ABTB1: variants seen among roughly 807,000 people sequenced by gnomAD.
ABTB1 encodes ankyrin repeat and BTB/POZ domain-containing protein 1.
ABTB1 carries 45 observed loss-of-function variants against 57.1 expected under a neutral mutation model. The observed-to-expected ratio is 0.79, with a 90% CI of 0.62 to 1.01. The LOEUF is 1.01. Among genes scored for constraint, ABTB1 ranks in the 50% least tolerant of loss-of-function variants. The pLI is 0.00. For missense variants in ABTB1, 630 were observed against 666.3 expected (o/e 0.95, Z 0.60); for synonymous variants, 302 against 275.4 (o/e 1.10, Z -0.95).
Position 127,677,028 on chromosome 3 carries a change from G to T in ABTB1, c.588G>T (p.Gln196His). The change falls in exon 7 of 12, where the codon CAG becomes CAT. Residue 196 changes from glutamine (Q) to histidine (H), a missense_variant. Gln to His is a conservative substitution (Grantham distance 24). This residue lies in a region of ABTB1 where 579 missense variants were observed against 585.9 expected (regional missense o/e 0.99). Transcript: ENST00000232744. ...GTGAGCGCCTGGCCAAGCAATGCCA[G>T]CTGTGGGACCTGCTCAGCGACCTGG... ...SDCERLAKQC[Q>H]LWDLLSDLEA... 1 of 1,614,138 alleles carries T rather than the reference G, an allele frequency of 6.2e-7. No individual in the cohort carries two copies. The highest frequency in any genetic ancestry group is 8.5e-7 in the Non-Finnish European group (1 of 1,180,008).
chr3:127,672,996 T>G lies in ABTB1; in HGVS notation c.-30T>G, dbSNP rs1371528601. The G allele has an allele frequency of 1.9e-6, 3 of 1,540,362 alleles. No homozygotes were observed. Among genetic ancestry groups the G allele is most frequent in the Admixed American group, 3.9e-5 (2 of 51,634 alleles). ...GGGTGCGCGGCTTCGCCGCCCGAGG[T>G]CGTTCGGCTCGGGTACCATCCTCCG... On this transcript the variant is annotated 5_prime_UTR_variant, in exon 1 of 12. Coordinates refer to ENST00000232744, the MANE Select transcript of ABTB1 (RefSeq NM_172027.3).
chr3:127,674,666 C>T (rs2074936357), intron 3 of ABTB1, 66 bp downstream of exon 3: 5 of 1,584,072 alleles, frequency 3.2e-6, no homozygotes, highest in East Asian at 4.5e-5. Context: ...TGGGTGCATG[C>T]ATGCGTGCGT....
At chr3:127,675,010 C>T (rs767177253) in intron 3 of ABTB1, among the ~76,000 whole-genome samples, 2 of 151,792 alleles carry the variant, frequency 1.3e-5, no homozygotes, top group African/African-American at 2.4e-5. Context: ...CTCATTCCTT[C>T]GGCTCTCCCT....
chr3:127,675,739 G>A, intron 3 of ABTB1: 1 of 591,250 alleles, frequency 1.7e-6, no homozygotes, highest in South Asian at 2.0e-5. Flanking sequence ...GTTCTGTGTT[G>A]TCTGTCTTCC....
chr3:127,675,291 A>G (rs1447865370), intron 3 of ABTB1, among the ~76,000 whole-genome samples: 2 of 130,308 alleles, frequency 1.5e-5, no homozygotes, highest in Non-Finnish European at 3.2e-5. Flanking sequence ...TTTTGGAGAC[A>G]GAGTCTTGCT....
rs758627443 is a variant in ABTB1, at chr3:127,680,461, G to T, written c.1423G>T (p.Gly475Cys). The T allele has an allele frequency of 6.2e-7, 1 of 1,601,410 alleles. No homozygotes were observed. The highest frequency in any genetic ancestry group is 8.5e-7 in the Non-Finnish European group (1 of 1,177,022). ...ACTCGAGGACCTGCTCGTGTCCATC[G>T]GTCTGGACTGTTGAGCCCCTGGCTG... ...RALEDLLVSI[G>C]LDC The change falls in exon 12 of 12, where the codon GGT (glycine) becomes TGT (cysteine). Residue 475 changes from glycine to cysteine, a missense_variant. Physicochemically the swap from Gly to Cys is radical, Grantham distance 159. Coordinates refer to ENST00000232744, the MANE Select transcript of ABTB1 (RefSeq NM_172027.3).
Position 127,680,563 on chromosome 3 carries a change from C to T in ABTB1, c.*88C>T, listed in dbSNP as rs1232681518. The stretch of plus-strand genomic sequence containing the variant: ...TGTGTGCAGCTCTTCTTCCTGCTCC[C>T]TGCACATTGAGGGCTTCATGGGGGG... On this transcript the variant is annotated 3_prime_UTR_variant, in exon 12 of 12. Transcript: ENST00000232744. 4.0e-6 allele frequency: 6 copies of T among 1,509,074 alleles called. No individual in the cohort carries two copies. Among genetic ancestry groups the T allele is most frequent in the Admixed American group, 3.4e-5 (2 of 59,292 alleles). The allele number at this position is 1,509,074 out of a possible 1,614,324, so 93.5% of individuals were successfully genotyped here. A position where few individuals can be genotyped will look rare whatever the true frequency, so the allele number is the denominator to read the frequency against.
At chr3:127,675,302 C>G (rs1214478840) in intron 3 of ABTB1, among the ~76,000 whole-genome samples, 3 of 127,144 alleles carry the variant, frequency 2.4e-5, no homozygotes, top group Non-Finnish European at 4.7e-5. Context: ...GAGTCTTGCT[C>G]TGTCACCCAG....
In ABTB1 at chr3:127,676,159, C is replaced by T. The variant is rs781457779; in HGVS notation, c.320+45C>T. The T allele has an allele frequency of 1.2e-6, 2 of 1,608,670 alleles. No homozygotes were observed. Among genetic ancestry groups the T allele is most frequent in the South Asian group, 2.2e-5 (2 of 90,976 alleles). ...GGGTGCAGCATGGGGTGCGGTGGCC[C>T]TGGTGGGTGTGGCGAGTCTGCTCTG... On this transcript the variant is annotated intron_variant, in intron 4 of 11. Coordinates refer to ENST00000232744, the MANE Select transcript of ABTB1 (RefSeq NM_172027.3). This position sits in a 1 kb window ranked among gnomAD's most constrained non-coding sequence, Gnocchi z 5.4.
intron 9 of ABTB1, 52 bp from the exon 10 acceptor site, chr3:127,677,624 C>T: frequency 6.2e-7 from 1 of 1,613,176 alleles, no homozygotes; most frequent in Non-Finnish European, 8.5e-7. Context: ...CCGTCTAGCT[C>T]CTCAGGAGAC....
chr3:127,677,250 G>T lies in ABTB1; in HGVS notation c.726G>T (p.Ala242=). 1.3e-6 allele frequency: 2 copies of T among 1,595,708 alleles called. No individual in the cohort carries two copies. The highest frequency in any genetic ancestry group is 1.8e-5 in the Admixed American group (1 of 56,852). The stretch of plus-strand genomic sequence containing the variant: ...ACCCCCGCCTCCGGGAGGACATGGC[G>T]CTGCTGGCCGATTGTGCCCTGCCCC... The part of the protein sequence containing the change: ...PADPRLREDM[A]LLADCALPPE... The change falls in exon 8 of 12, where the codon GCG becomes GCT. Residue 242 remains alanine, a synonymous_variant. Transcript: ENST00000232744.
chr3:127,674,288 C>T (rs1261018993), intron 1 of ABTB1, 103 bp from the exon 2 acceptor site: 15 of 1,475,678 alleles, frequency 1.0e-5, no homozygotes, highest in Admixed American at 4.0e-5. Flanking sequence ...GGGGAGGCTT[C>T]CCCATACCAA....
Position 127,679,975 on chromosome 3 carries a change from T to C in ABTB1, c.1030-10T>C. ...CTCGGGGGGCACCTTCATCCCTGTC[T>C]TCACTGCAGCTGTCCCCCGAGGCAG... On this transcript the variant is annotated splice_polypyrimidine_tract_variant and intron_variant, in intron 10 of 11. Transcript: ENST00000232744. 6.2e-7 allele frequency: 1 copy of C among 1,612,966 alleles called. No individual in the cohort carries two copies. Among genetic ancestry groups the C allele is most frequent in the Non-Finnish European group, 8.5e-7 (1 of 1,179,686 alleles).
At chr3:127,675,276 T>TC (rs1198199860) in intron 3 of ABTB1, among the ~76,000 whole-genome samples, 1 of 146,952 alleles carries the variant, frequency 6.8e-6, no homozygotes, top group Non-Finnish European at 1.5e-5. Context: ...TTTTTTTTTT[T>TC]TTTTTTTTGG....
At chr3:127,675,661 G>A (rs2074963425) in intron 3 of ABTB1, 1 of 428,566 alleles carries the variant, frequency 2.3e-6, no homozygotes, top group South Asian at 3.1e-5. Context: ...AGCAGGACAG[G>A]GACCTGTGTC....
chr3:127,674,787 C>T (rs1698431121), intron 3 of ABTB1, among the ~76,000 whole-genome samples, 187 bp downstream of exon 3: 1 of 152,256 alleles, frequency 6.6e-6, no homozygotes, highest in Non-Finnish European at 1.5e-5. Context: ...CTCTGTCCAC[C>T]TTGCCCATCT....
chr3:127,674,662 C>T (rs2074936222), intron 3 of ABTB1, 62 bp downstream of exon 3: 1 of 1,590,306 alleles, frequency 6.3e-7, no homozygotes, highest in Admixed American at 1.7e-5. Flanking sequence ...CGTGTGGGTG[C>T]ATGCATGCGT....
At position 127,674,414 on chromosome 3, in the gene ABTB1, T is replaced by C. The variant is rs1307181073; in HGVS notation, c.80T>C (p.Val27Ala). 1 of 1,562,038 alleles carries C rather than the reference T, an allele frequency of 6.4e-7. No individual in the cohort carries two copies. Among genetic ancestry groups the C allele is most frequent in the South Asian group, 1.1e-5 (1 of 89,752 alleles). Residue 27 changes from valine (V) to alanine (A), a missense_variant, in exon 2 of 12, where the codon GTG becomes GCG. Val to Ala is a moderately conservative substitution (Grantham distance 64). This residue lies in a region of ABTB1 where 579 missense variants were observed against 585.9 expected (regional missense o/e 0.99). Coordinates refer to ENST00000232744, the MANE Select transcript of ABTB1 (RefSeq NM_172027.3). ...AGGTACCTGCTGGAGCAGCGAGACG[T>C]GGAGGTGAATGTGCGGGACAAGTGG... ...RVRYLLEQRDVEVNVRDKWDS... is the reference protein window; with the variant it reads ...RVRYLLEQRDAEVNVRDKWDS...
At position 127,680,534 on chromosome 3, in the gene ABTB1, C is replaced by T. The variant is rs781111982; in HGVS notation, c.*59C>T. The T allele has an allele frequency of 4.2e-5, 66 of 1,572,580 alleles. No homozygotes were observed. The highest frequency in any genetic ancestry group is 9.0e-5 in the East Asian group (4 of 44,626). ...TCTCTTGGAGACAAGCATGTGTATGCGTTTGTGTGCAGCTCTTCTTCCTGC... is the reference window on the plus strand; with the variant it reads ...TCTCTTGGAGACAAGCATGTGTATGTGTTTGTGTGCAGCTCTTCTTCCTGC... On this transcript the variant is annotated 3_prime_UTR_variant, in exon 12 of 12. Coordinates refer to ENST00000232744, the MANE Select transcript of ABTB1 (RefSeq NM_172027.3).
Sources: gnomAD v4.1 joint callset for allele counts (sites outside exome capture counted in the v4.1 genomes callset) on GRCh38, gnomAD v4.1.1 for gene constraint, gnomAD v4.1.1 regional missense constraint, Gnocchi (gnomAD v3.1) non-coding constraint, MANE v1.5 for transcripts, NCBI Gene and HGNC (gene_info 2026-07-23, HGNC 2026-07-21) for gene names.